The following EPG5 variants were observed in gnomAD, a reference collection of about 807,000 sequenced individuals.
The protein encoded by EPG5 is ectopic P-granules 5 autophagy tethering factor, also known as ectopic P granules protein 5 homolog.
EPG5 carries 159 observed loss-of-function variants against 302.7 expected under a neutral mutation model. The observed-to-expected ratio is 0.53, with a 90% confidence interval of 0.46 to 0.60. The LOEUF (loss-of-function observed/expected upper bound fraction) is 0.60. EPG5 is among the 20% of genes least tolerant of loss of function. EPG5 has a pLI of 0.00. For synonymous variants in EPG5, 1,158 were observed against 1,136.8 expected, an observed-to-expected ratio of 1.02 and a Z score of -0.37; for missense variants, 2,896 against 3,092.4, an observed-to-expected ratio of 0.94 and a Z score of 1.51.
At chr18:45,902,512 A>G (rs1340091055) in intron 25 of EPG5, among the ~76,000 whole-genome samples, 10 of 152,354 alleles carry the variant, frequency 6.6e-5, no homozygotes, top group Admixed American at 5.2e-4. Context: ...ATCTAAATTC[A>G]TATTTAACAG....
chr18:45,935,892 A>G (rs553987812), intron 10 of EPG5, among the ~76,000 whole-genome samples: 57 of 151,918 alleles, frequency 3.8e-4, no homozygotes, highest in African/African-American at 1.3e-3. Context: ...GAGACCCCAC[A>G]CCTCCAGGCT....
intron 16 of EPG5, among the ~76,000 whole-genome samples, chr18:45,919,508 T>C (rs1255637602): frequency 1.3e-5 from 2 of 150,416 alleles, no homozygotes; most frequent in Non-Finnish European, 2.9e-5. Flanking sequence ...GCATGTTACA[T>C]GTGTGGTTTT....
At chr18:45,810,231 C>T in the EPG5 span, among the ~76,000 whole-genome samples, 1 of 151,970 alleles carries the variant, frequency 6.6e-6, no homozygotes, top group African/African-American at 2.4e-5. Flanking sequence ...TTAAAAATTA[C>T]CAACAAAAAA....
At chr18:45,860,902 A>ATTT (rs1458597892) in intron 39 of EPG5, among the ~76,000 whole-genome samples, 36 of 152,242 alleles carry the variant, frequency 2.4e-4, no homozygotes, top group Non-Finnish European at 1.5e-5. Context: ...AAAGTAAACC[A>ATTT]ACTGGTAATT....
chr18:45,802,376 C>G, the EPG5 span, among the ~76,000 whole-genome samples: 1 of 152,034 alleles, frequency 6.6e-6, no homozygotes, highest in Non-Finnish European at 1.5e-5. Flanking sequence ...AAAAATTAGC[C>G]GGGCATGATG....
chr18:45,820,659 C>G, the EPG5 span, among the ~76,000 whole-genome samples: 17 of 152,280 alleles, frequency 1.1e-4, no homozygotes, highest in East Asian at 3.1e-3. Flanking sequence ...GGGGGTTCAT[C>G]TTCATCAAAT....
At chr18:45,820,787 G>A in the EPG5 span, among the ~76,000 whole-genome samples, 6 of 152,062 alleles carry the variant, frequency 3.9e-5, no homozygotes, top group African/African-American at 9.7e-5. Context: ...CAAGATTGTC[G>A]CATACCCTTG....
intron 27 of EPG5, among the ~76,000 whole-genome samples, chr18:45,895,137 G>A (rs1382870917): frequency 6.6e-6 from 1 of 152,184 alleles, no homozygotes; most frequent in Non-Finnish European, 1.5e-5. Context: ...GGAAAATACA[G>A]GAATGAAGTA....
intron 24 of EPG5, among the ~76,000 whole-genome samples, chr18:45,904,737 TA>T (rs5824611): frequency 0.22 from 33,086 of 149,634 alleles, 4,045 homozygotes; most frequent in Admixed American, 0.32. Context: ...TGAAAATAAA[TA>T]AAAAAAAAAC....
chr18:45,894,738 T>C (rs936432641), intron 27 of EPG5, among the ~76,000 whole-genome samples: 2 of 152,252 alleles, frequency 1.3e-5, no homozygotes, highest in Middle Eastern at 3.4e-3. Flanking sequence ...AATGTGTATG[T>C]TGTGTTTAGA....
intron 3 of EPG5, among the ~76,000 whole-genome samples, chr18:45,951,457 C>T (rs1303524399): frequency 2.2e-5 from 3 of 139,282 alleles, no homozygotes; most frequent in African/African-American, 9.2e-5. Flanking sequence ...TCAACCTCAT[C>T]ATAATTTTTT....
At chr18:45,824,776 C>T in the EPG5 span, among the ~76,000 whole-genome samples, 2 of 152,000 alleles carry the variant, frequency 1.3e-5, no homozygotes, top group African/African-American at 2.4e-5. Flanking sequence ...TGCCATCCAC[C>T]GAATCATAGA....
intron 35 of EPG5, among the ~76,000 whole-genome samples, chr18:45,874,023 G>T (rs1006643645): frequency 3.3e-5 from 5 of 152,340 alleles, no homozygotes; most frequent in African/African-American, 1.2e-4. Context: ...GAGATGAACA[G>T]GCAGAGCGCA....
chr18:45,804,674 A>C, the EPG5 span, among the ~76,000 whole-genome samples: 1 of 152,216 alleles, frequency 6.6e-6, no homozygotes, highest in African/African-American at 2.4e-5. Flanking sequence ...TTTCCAAATA[A>C]AAGAAAACTA....
chr18:45,827,146 C>T, the EPG5 span, among the ~76,000 whole-genome samples: 329 of 152,290 alleles, frequency 2.2e-3, 1 homozygote, highest in Non-Finnish European at 2.5e-3. Context: ...GAACTCCTGA[C>T]CTCAAGTGAT....
intron 39 of EPG5, among the ~76,000 whole-genome samples, chr18:45,861,828 T>TC (rs1568098383): frequency 6.6e-6 from 1 of 152,184 alleles, no homozygotes; most frequent in Non-Finnish European, 1.5e-5. Flanking sequence ...GTTGTCTTTT[T>TC]CTTCCTTGTT....
At chr18:45,964,749 C>T (rs2051213627) in intron 1 of EPG5, among the ~76,000 whole-genome samples, 1 of 152,124 alleles carries the variant, frequency 6.6e-6, no homozygotes, top group South Asian at 2.1e-4. Context: ...GGGCAGATCA[C>T]CTGGGGTCTG....
the EPG5 span, among the ~76,000 whole-genome samples, chr18:45,822,991 A>G: frequency 6.6e-6 from 1 of 152,206 alleles, no homozygotes; most frequent in Non-Finnish European, 1.5e-5. Flanking sequence ...ATAGACAAAA[A>G]TATCAAAGAT....
chr18:45,837,016 T>A, the EPG5 span: 1 of 1,295,230 alleles, frequency 7.7e-7, no homozygotes, highest in Non-Finnish European at 1.1e-6. Context: ...GGGTTAACTG[T>A]GTTTATCTGT....
Sources: gnomAD v4.1 joint callset for allele counts (sites outside exome capture counted in the v4.1 genomes callset) on GRCh38, gnomAD v4.1.1 for gene constraint, MANE v1.5 for transcripts, NCBI Gene and HGNC (gene_info 2026-07-23, HGNC 2026-07-21) for gene names.